Variants in NACC2 observed in about 807,000 individuals in gnomAD.
NACC2 encodes the protein nucleus accumbens-associated protein 2.
Under a neutral mutation model 25.1 loss-of-function variants are expected in NACC2, and 8 were observed. The ratio of observed to expected loss-of-function variants is 0.32; its 90% CI spans 0.19 to 0.57. The LOEUF is 0.57. Among genes scored for constraint, NACC2 ranks in the 20% least tolerant of loss-of-function variants. The pLI, the probability that NACC2 is intolerant of heterozygous loss-of-function variation, is 0.89. For synonymous variants in NACC2, 435 were observed against 294.7 expected, an observed-to-expected ratio of 1.48 and a Z score of -4.88; for missense variants, 644 against 650.2, an observed-to-expected ratio of 0.99 and a Z score of 0.10.
At position 136,011,329 on chromosome 9, in the gene NACC2, T is replaced by C. The variant is rs530500602; in HGVS notation, c.*187A>G. The C allele has an allele frequency of 9.6e-6, 6 of 622,572 alleles. No individual in the cohort carries two copies. The highest frequency in any genetic ancestry group is 7.0e-5 in the South Asian group (1 of 14,200). The allele number at this position is 622,572 out of a possible 1,614,324, so 38.6% of individuals were successfully genotyped here. ...TCGCAGGAGGCTGCCAGTGGCCTAA[T>C]TGTTTACAGTATAATGAATGCATTT... is the stretch of plus-strand genomic sequence containing the variant. On this transcript the variant is annotated 3_prime_UTR_variant, in exon 6 of 6. Transcript: ENST00000277554.
chr9:136,013,159 G>GCCCCCGGCCCCCCCCCCCC lies in NACC2; in HGVS notation c.1255+39_1255+40insGGGGGGGGGGGGCCGGGGG. ...CTCCTCAGGCTGGGATCTGAACCCA[G>GCCCCCGGCCCCCCCCCCCC]CCCCGGCCCCACCCACCCGAGAGAC... On this transcript the variant is annotated intron_variant, in intron 5 of 5. Coordinates refer to ENST00000277554, the MANE Select transcript of NACC2 (RefSeq NM_144653.5). This position sits in a 1 kb window ranked among gnomAD's most constrained non-coding sequence, Gnocchi z 6.6. The GCCCCCGGCCCCCCCCCCCC allele has an allele frequency of 1.3e-6, 1 of 754,886 alleles. No individual in the cohort carries two copies. Among genetic ancestry groups the GCCCCCGGCCCCCCCCCCCC allele is most frequent in the African/African-American group, 1.8e-5 (1 of 56,536 alleles). 46.8% of individuals were successfully genotyped at this position (754,886 alleles called of 1,614,324 possible).
chr9:136,073,660 C>T (rs573402507), intron 1 of NACC2, among the ~76,000 whole-genome samples: 78 of 150,980 alleles, frequency 5.2e-4, no homozygotes, highest in African/African-American at 1.8e-3. Flanking sequence ...TGCAGAAAGT[C>T]GACTTGATTT....
At chr9:136,052,114 C>T (rs1238428303) in intron 1 of NACC2, among the ~76,000 whole-genome samples, 1 of 152,234 alleles carries the variant, frequency 6.6e-6, no homozygotes, top group Admixed American at 6.5e-5. Flanking sequence ...GCTCCCAGCC[C>T]CGGCTTTAAA....
chr9:136,081,488 C>T (rs547345635), intron 1 of NACC2, among the ~76,000 whole-genome samples: 2 of 152,268 alleles, frequency 1.3e-5, no homozygotes, highest in African/African-American at 2.4e-5. Context: ...CGGTGCCGGG[C>T]GTCCGCTTCC....
intron 1 of NACC2, among the ~76,000 whole-genome samples, chr9:136,062,157 C>CAGGAT (rs1841021622): frequency 1.5e-5 from 2 of 137,464 alleles, no homozygotes; most frequent in African/African-American, 5.1e-5. Flanking sequence ...CAGGACAGGA[C>CAGGAT]AGGACAGGAC....
chr9:136,049,255 T>C (rs1840776605), intron 2 of NACC2, among the ~76,000 whole-genome samples: 1 of 152,154 alleles, frequency 6.6e-6, no homozygotes, highest in Non-Finnish European at 1.5e-5. Flanking sequence ...TCTCTAGACC[T>C]GGCCGGGTGA....
At chr9:136,090,469 G>A (rs544218621) in intron 1 of NACC2, among the ~76,000 whole-genome samples, 1 of 152,330 alleles carries the variant, frequency 6.6e-6, no homozygotes, top group Non-Finnish European at 1.5e-5. Context: ...GGGGTGGGGA[G>A]GGAGCATCTG....
chr9:136,049,648 C>T lies in NACC2; in HGVS notation c.874G>A (p.Gly292Ser), dbSNP rs1426432125. 12 of 777,016 alleles carry T rather than the reference C, an allele frequency of 1.5e-5. No individual in the cohort carries two copies. Among genetic ancestry groups the T allele is most frequent in the East Asian group, 9.8e-5 (4 of 40,806 alleles). 48.1% of individuals were successfully genotyped at this position (777,016 alleles called of 1,614,324 possible). The change falls in exon 2 of 6, where the codon GGC becomes AGC. Residue 292 changes from glycine to serine, a missense_variant. Physicochemically the swap from Gly to Ser is moderately conservative, Grantham distance 56. Coordinates refer to ENST00000277554, the MANE Select transcript of NACC2 (RefSeq NM_144653.5). ...QYGQMYIKAS[G>S]SYAVQEKPEP... ...CCCGCCGCGTTACCTGCATAGCTGC[C>T]GGAGGCCTTGATGTACATCTGGCCG...
At chr9:136,030,416 C>T (rs764384359) in intron 2 of NACC2, among the ~76,000 whole-genome samples, 22 of 151,782 alleles carry the variant, frequency 1.4e-4, no homozygotes, top group African/African-American at 4.1e-4. Flanking sequence ...GAGACCATCC[C>T]GGTGAACACA....
chr9:136,050,705 C>T, intron 1 of NACC2, 125 bp from the exon 2 acceptor site: 1 of 618,962 alleles, frequency 1.6e-6, no homozygotes, highest in East Asian at 2.8e-5. Flanking sequence ...CACGCGCCCT[C>T]CCCCGCCCCT....
At chr9:136,017,366 C>T (rs189538300) in intron 2 of NACC2, among the ~76,000 whole-genome samples, 2 of 152,160 alleles carry the variant, frequency 1.3e-5, no homozygotes, top group East Asian at 1.9e-4. Flanking sequence ...CCCTCTAGAG[C>T]GTTCATGGAG....
intron 2 of NACC2, among the ~76,000 whole-genome samples, chr9:136,049,269 G>A (rs1309682649): frequency 2.0e-5 from 3 of 152,192 alleles, no homozygotes; most frequent in Admixed American, 1.3e-4. Flanking sequence ...CGGGTGAGGC[G>A]CAGACTGAGG....
At chr9:136,043,104 G>C (rs1398138400) in intron 2 of NACC2, among the ~76,000 whole-genome samples, 2 of 152,164 alleles carry the variant, frequency 1.3e-5, no homozygotes, top group East Asian at 3.8e-4. Flanking sequence ...AAAAGCACTA[G>C]CCGTAAAATA....
intron 1 of NACC2, among the ~76,000 whole-genome samples, chr9:136,054,553 T>C (rs1025831283): frequency 5.3e-5 from 8 of 152,106 alleles, no homozygotes; most frequent in Admixed American, 5.2e-4. Context: ...CTGACCCTCC[T>C]GCTACACCCA....
intron 1 of NACC2, among the ~76,000 whole-genome samples, chr9:136,058,315 C>T (rs556214041): frequency 2.0e-5 from 3 of 152,382 alleles, no homozygotes; most frequent in East Asian, 3.9e-4. Context: ...TGCCCCACCC[C>T]ATCCTGCCCG....
chr9:136,035,758 C>T (rs1203270838), intron 2 of NACC2, among the ~76,000 whole-genome samples: 5 of 151,498 alleles, frequency 3.3e-5, no homozygotes, highest in African/African-American at 1.2e-4. Context: ...GGCATAATAT[C>T]TGCAACTTAC....
At chr9:136,048,535 G>A (rs1840762173) in intron 2 of NACC2, among the ~76,000 whole-genome samples, 1 of 152,230 alleles carries the variant, frequency 6.6e-6, no homozygotes, top group Non-Finnish European at 1.5e-5. Context: ...GGCATTCTGT[G>A]GGATTCATGC....
intron 1 of NACC2, among the ~76,000 whole-genome samples, chr9:136,070,698 A>C (rs1481718344): frequency 6.6e-6 from 1 of 151,172 alleles, no homozygotes; most frequent in Non-Finnish European, 1.5e-5. Context: ...CAAAAACTTG[A>C]AGCAAGCAGA....
intron 1 of NACC2, among the ~76,000 whole-genome samples, chr9:136,074,816 T>C (rs1317883508): frequency 2.0e-5 from 3 of 152,108 alleles, no homozygotes; most frequent in Non-Finnish European, 4.4e-5. Flanking sequence ...GGCTCGGGGA[T>C]GTATCACTCA....
Sources: allele counts gnomAD v4.1 joint callset (sites outside exome capture counted in the v4.1 genomes callset), GRCh38; gene constraint gnomAD v4.1.1; non-coding constraint Gnocchi (gnomAD v3.1); transcripts MANE v1.5; gene names NCBI Gene and HGNC (gene_info 2026-07-23, HGNC 2026-07-21).